B4GALT6: variants seen among roughly 807,000 people sequenced by gnomAD.
B4GALT6 encodes the protein beta-1,4-galactosyltransferase 6, also known as UDP-Gal:beta-GlcNAc beta-1,4-galactosyltransferase 6.
A neutral mutation model predicts 46.3 loss-of-function variants in B4GALT6; 14 were observed. The ratio of observed to expected loss-of-function variants is 0.30; its 90% CI spans 0.20 to 0.47. The LOEUF is 0.47. Among genes scored for constraint, B4GALT6 ranks in the 20% least tolerant of loss-of-function variants. The pLI is 0.99. For synonymous variants in B4GALT6, 168 were observed against 162.0 expected (o/e 1.04, Z -0.28); for missense variants, 386 against 480.1 (o/e 0.80, Z 1.83).
chr18:31,702,463 T>C, the B4GALT6 span, among the ~76,000 whole-genome samples: 4 of 152,212 alleles, frequency 2.6e-5, no homozygotes, highest in Non-Finnish European at 4.4e-5. Flanking sequence ...GTTGATTCCA[T>C]GTAAGTTGAT....
At chr18:31,684,763 C>T, upstream of B4GALT6, 3 of 1,075,798 alleles carry the variant, frequency 2.8e-6, no homozygotes, top group Non-Finnish European at 3.4e-6. Flanking sequence ...CAAGCAGCGG[C>T]GGGAGGAGGG....
At chr18:31,699,282 T>TTC in the B4GALT6 span, among the ~76,000 whole-genome samples, 2 of 151,070 alleles carry the variant, frequency 1.3e-5, no homozygotes, top group African/African-American at 4.9e-5. Flanking sequence ...TTCTTTTTTT[T>TTC]TTTTTTTTGA....
At chr18:31,637,501 A>C (rs1451140327) in intron 5 of B4GALT6, among the ~76,000 whole-genome samples, 2 of 121,040 alleles carry the variant, frequency 1.7e-5, no homozygotes, top group Non-Finnish European at 3.5e-5. Flanking sequence ...TCTACCAAGA[A>C]AGATGACTTT....
chr18:31,643,047 C>T (rs1007874217), intron 4 of B4GALT6, among the ~76,000 whole-genome samples: 7 of 152,018 alleles, frequency 4.6e-5, no homozygotes, highest in African/African-American at 1.7e-4. Flanking sequence ...TTCTTATTTC[C>T]CTCTCTCTCC....
intron 2 of B4GALT6, among the ~76,000 whole-genome samples, chr18:31,662,243 A>T (rs895841809): frequency 6.6e-6 from 1 of 152,214 alleles, no homozygotes; most frequent in African/African-American, 2.4e-5. Flanking sequence ...AGAGCTAAAC[A>T]TCTGCTATTC....
At chr18:31,681,678 G>A (rs953697775) in intron 1 of B4GALT6, among the ~76,000 whole-genome samples, 14 of 152,106 alleles carry the variant, frequency 9.2e-5, no homozygotes, top group African/African-American at 2.9e-4. Context: ...CAAAGAAGAG[G>A]AACTAAAATG....
chr18:31,683,841 G>A (rs1453195772), intron 1 of B4GALT6, among the ~76,000 whole-genome samples: 4 of 151,944 alleles, frequency 2.6e-5, no homozygotes, highest in Non-Finnish European at 4.4e-5. Flanking sequence ...TTCTAAAAAA[G>A]CGACCTAGGA....
chr18:31,695,535 C>T, the B4GALT6 span, among the ~76,000 whole-genome samples: 2 of 152,002 alleles, frequency 1.3e-5, no homozygotes, highest in Non-Finnish European at 2.9e-5. Context: ...CTCTTTTGAC[C>T]ATGCGGGAAG....
At chr18:31,660,400 T>A (rs1024196685) in intron 2 of B4GALT6, among the ~76,000 whole-genome samples, 1 of 152,180 alleles carries the variant, frequency 6.6e-6, no homozygotes, top group Non-Finnish European at 1.5e-5. Context: ...TGGGTTTCTG[T>A]CACTCCCACC....
At chr18:31,628,926 T>G (rs2073739033) in intron 6 of B4GALT6, among the ~76,000 whole-genome samples, 1 of 152,214 alleles carries the variant, frequency 6.6e-6, no homozygotes, top group Admixed American at 6.5e-5. Context: ...GTGCCTCTCC[T>G]GCCTCCTTTT....
chr18:31,644,024 G>T (rs184585423), intron 4 of B4GALT6, among the ~76,000 whole-genome samples: 1 of 152,148 alleles, frequency 6.6e-6, no homozygotes, highest in African/African-American at 2.4e-5. Flanking sequence ...TATGTAAATT[G>T]GGCCGCATTT....
the B4GALT6 span, among the ~76,000 whole-genome samples, chr18:31,707,130 T>C: frequency 6.6e-6 from 1 of 152,160 alleles, no homozygotes; most frequent in African/African-American, 2.4e-5. Context: ...CAAATAAAAG[T>C]ATGGTCAACT....
intron 1 of B4GALT6, among the ~76,000 whole-genome samples, chr18:31,681,859 C>A (rs1248065821): frequency 1.3e-5 from 2 of 152,126 alleles, no homozygotes; most frequent in East Asian, 3.9e-4. Context: ...AAAGTACTTA[C>A]AACATACATT....
chr18:31,644,139 T>C (rs374369895), intron 4 of B4GALT6, among the ~76,000 whole-genome samples: 5 of 152,338 alleles, frequency 3.3e-5, no homozygotes, highest in African/African-American at 1.2e-4. Context: ...TAAAATTAAA[T>C]GTTTTGCTAA....
chr18:31,684,065 C>T (rs1449082), intron 1 of B4GALT6, among the ~76,000 whole-genome samples: 68,631 of 152,102 alleles, frequency 0.45, 18,102 homozygotes, highest in South Asian at 0.66. Flanking sequence ...AATTTTGCTA[C>T]GTCTATTTAA....
chr18:31,645,517 T>C, intron 3 of B4GALT6, 38 bp from the exon 4 acceptor site: 3 of 1,593,480 alleles, frequency 1.9e-6, no homozygotes, highest in Non-Finnish European at 2.6e-6. Flanking sequence ...TTTAATATTT[T>C]TTGCCTCAAA....
chr18:31,693,636 GAACTC>G, the B4GALT6 span, among the ~76,000 whole-genome samples: 7 of 152,152 alleles, frequency 4.6e-5, no homozygotes, highest in Non-Finnish European at 8.8e-5. Flanking sequence ...TGTGAAGAAA[GAACTC>G]AACAAAGTGA....
chr18:31,671,039 G>A (rs780193195), intron 1 of B4GALT6, among the ~76,000 whole-genome samples: 4 of 152,064 alleles, frequency 2.6e-5, no homozygotes, highest in Non-Finnish European at 4.4e-5. Context: ...GAGAATGATC[G>A]TTTCCAGCTT....
At chr18:31,655,579 G>A (rs1379007213) in intron 3 of B4GALT6, among the ~76,000 whole-genome samples, 1 of 152,158 alleles carries the variant, frequency 6.6e-6, no homozygotes, top group Non-Finnish European at 1.5e-5. Context: ...GTACCAGAAT[G>A]ATGAAGTGGC....
Sources: gnomAD v4.1 joint callset for allele counts (sites outside exome capture counted in the v4.1 genomes callset) on GRCh38, gnomAD v4.1.1 for gene constraint, MANE v1.5 for transcripts, NCBI Gene and HGNC (gene_info 2026-07-23, HGNC 2026-07-21) for gene names.